Variants in FNBP1L observed in about 807,000 individuals in gnomAD.
The protein encoded by FNBP1L is formin binding protein 1 like.
In FNBP1L, 36 loss-of-function variants were observed where a neutral mutation model predicts 91.2. That is an observed-to-expected ratio of 0.39 (90% CI 0.30 to 0.52). The LOEUF (loss-of-function observed/expected upper bound fraction) is 0.52, where lower values mean the gene tolerates loss of function less well. Ranked by LOEUF, FNBP1L falls within the 20% of genes least tolerant of loss-of-function variation. The pLI is 0.66. For missense variants in FNBP1L, 571 were observed against 732.1 expected, an observed-to-expected ratio of 0.78 and a Z score of 2.54; for synonymous variants, 242 against 237.0, an observed-to-expected ratio of 1.02 and a Z score of -0.19.
At chr1:93,530,633 T>G in intron 6 of FNBP1L, 122 bp from the exon 7 acceptor site, 4 of 1,011,678 alleles carry the variant, frequency 4.0e-6, no homozygotes, top group Non-Finnish European at 5.8e-6. Flanking sequence ...TGCCACGTCA[T>G]TATTCTTTTG....
chr1:93,521,412 TG>T (rs1263083276), intron 2 of FNBP1L, among the ~76,000 whole-genome samples: 2 of 152,174 alleles, frequency 1.3e-5, no homozygotes, highest in African/African-American at 4.8e-5. Context: ...AAAAAAGCGA[TG>T]GTATTTCTTT....
intron 2 of FNBP1L, among the ~76,000 whole-genome samples, chr1:93,513,301 C>G (rs534849609): frequency 6.6e-6 from 1 of 151,422 alleles, no homozygotes; most frequent in African/African-American, 2.4e-5. Flanking sequence ...AAAAAGAGTC[C>G]AGGACCAGAT....
intron 10 of FNBP1L, among the ~76,000 whole-genome samples, chr1:93,539,834 A>G (rs928011185): frequency 6.6e-6 from 1 of 152,204 alleles, no homozygotes; most frequent in Non-Finnish European, 1.5e-5. Flanking sequence ...ACGATAATGC[A>G]TAAGCAGTGA....
At chr1:93,506,544 CAGTG>C (rs1467500929) in intron 2 of FNBP1L, among the ~76,000 whole-genome samples, 1 of 151,996 alleles carries the variant, frequency 6.6e-6, no homozygotes, top group Non-Finnish European at 1.5e-5. Flanking sequence ...GGGTACTAGT[CAGTG>C]AGTCTCAGGT....
chr1:93,538,259 A>ATTT (rs35394326), intron 10 of FNBP1L, among the ~76,000 whole-genome samples: 1 of 144,812 alleles, frequency 6.9e-6, no homozygotes. Flanking sequence ...GTGTCATCTT[A>ATTT]TTTTTTTTTT....
chr1:93,489,100 T>G (rs1344510647), intron 1 of FNBP1L, among the ~76,000 whole-genome samples: 2 of 152,212 alleles, frequency 1.3e-5, no homozygotes, highest in East Asian at 3.8e-4. Context: ...AACCTGGTTC[T>G]TTCTTTTCTT....
intron 1 of FNBP1L, among the ~76,000 whole-genome samples, chr1:93,458,983 A>G (rs912359608): frequency 3.3e-5 from 5 of 152,328 alleles, no homozygotes; most frequent in East Asian, 1.9e-4. Flanking sequence ...TTTACAGTAT[A>G]TCCTCTGTGG....
intron 1 of FNBP1L, among the ~76,000 whole-genome samples, chr1:93,466,536 C>A (rs540850524): frequency 2.6e-5 from 4 of 151,998 alleles, no homozygotes; most frequent in Non-Finnish European, 5.9e-5. Context: ...ATTTCTGAGG[C>A]CTCTGTTCTG....
chr1:93,549,221 A>G (rs1570879207), intron 14 of FNBP1L, 57 bp from the exon 15 acceptor site: 1 of 1,380,098 alleles, frequency 7.2e-7, no homozygotes, highest in Non-Finnish European at 9.9e-7. Flanking sequence ...TTTATAAATA[A>G]TATATAGAAT....
chr1:93,460,839 G>A (rs1396751864), intron 1 of FNBP1L, among the ~76,000 whole-genome samples: 2 of 152,160 alleles, frequency 1.3e-5, no homozygotes, highest in East Asian at 3.8e-4. Flanking sequence ...GGAAGAATAA[G>A]TTAAAGAGAT....
chr1:93,461,048 G>C (rs1196254797), intron 1 of FNBP1L, among the ~76,000 whole-genome samples: 1 of 152,014 alleles, frequency 6.6e-6, no homozygotes, highest in African/African-American at 2.4e-5. Context: ...TTTGGTTTCT[G>C]TCTTTCATGT....
intron 1 of FNBP1L, among the ~76,000 whole-genome samples, chr1:93,494,053 C>G (rs1034657019): frequency 2.0e-5 from 3 of 152,156 alleles, no homozygotes; most frequent in African/African-American, 7.2e-5. Context: ...TTCCATAATA[C>G]CGCCTGGACT....
chr1:93,511,036 A>G (rs1000592877), intron 2 of FNBP1L, among the ~76,000 whole-genome samples: 2 of 152,208 alleles, frequency 1.3e-5, no homozygotes, highest in African/African-American at 4.8e-5. Flanking sequence ...ACTCTGCAGG[A>G]TATTATCCAG....
chr1:93,507,635 A>G lies in FNBP1L; in HGVS notation c.140+8052A>G, dbSNP rs185859885. Among the ~76,000 whole-genome samples the G allele has an allele frequency of 1.2e-3, 185 of 152,148 alleles. 1 individual carries two copies. In the Middle Eastern group the frequency reaches 0.017, roughly 14 times the overall value. ...TCGGAAGAATAAATTCTTATTGTAT[A>G]TTTTTATTATTAGTTTTATTTATTT... On this transcript the variant is annotated intron_variant, in intron 2 of 16. Coordinates refer to ENST00000271234, the MANE Select transcript of FNBP1L (RefSeq NM_001164473.3).
intron 2 of FNBP1L, among the ~76,000 whole-genome samples, chr1:93,514,896 A>G (rs1671023325): frequency 6.6e-6 from 1 of 152,236 alleles, no homozygotes; most frequent in Admixed American, 6.5e-5. Flanking sequence ...AGCAATGGCA[A>G]CAAAAGCCAG....
chr1:93,479,745 C>T (rs1570784543), intron 1 of FNBP1L, among the ~76,000 whole-genome samples: 1 of 152,168 alleles, frequency 6.6e-6, no homozygotes, highest in Non-Finnish European at 1.5e-5. Context: ...TGCCCAACCC[C>T]GCAGGCAGTC....
chr1:93,533,429 G>T (rs1557814693), intron 8 of FNBP1L, among the ~76,000 whole-genome samples: 1 of 152,164 alleles, frequency 6.6e-6, no homozygotes, highest in African/African-American at 2.4e-5. Flanking sequence ...ACTTGAGCTG[G>T]ATCAAGAAAT....
rs1671427669 is a variant in FNBP1L, at chr1:93,524,321, A to C, written c.403A>C (p.Asn135His). The C allele has an allele frequency of 6.7e-7, 1 of 1,499,578 alleles. No homozygotes were observed. Among genetic ancestry groups the C allele is most frequent in the African/African-American group, 1.4e-5 (1 of 70,692 alleles). The allele number at this position is 1,499,578 out of a possible 1,614,324, so 92.9% of individuals were successfully genotyped here. A position where few individuals can be genotyped will look rare whatever the true frequency, so the allele number is the denominator to read the frequency against. ...TGACATGTGCTGGAAACAGATGGAT[A>C]ATGTGAGTTATGACATTTTCATGGT... Reference protein sequence around the residue: ...YLDMCWKQMDNSKKKFERECR... With the variant: ...YLDMCWKQMDHSKKKFERECR... Residue 135 changes from asparagine (N) to histidine (H), a missense_variant and splice_region_variant, in exon 5 of 17, where the codon AAT (asparagine) becomes CAT (histidine). Asn to His is a moderately conservative substitution (Grantham distance 68, BLOSUM62 1). Coordinates refer to ENST00000271234, the MANE Select transcript of FNBP1L (RefSeq NM_001164473.3).
rs138383907 is a variant in FNBP1L at position 93,498,641 on chromosome 1, G to C, written c.25-827G>C. On this transcript the variant is annotated intron_variant, in intron 1 of 16. Coordinates refer to ENST00000271234, the MANE Select transcript of FNBP1L (RefSeq NM_001164473.3). ...TCAGCATTGCAGACTTGATATAAGA[G>C]GGGGAGACAGCACCAAGTTATTAGT... Among the ~76,000 whole-genome samples, 325 of 152,270 alleles carry C rather than the reference G, an allele frequency of 2.1e-3. 2 individuals are homozygous for C. Among genetic ancestry groups the C allele is most frequent in the African/African-American group, 7.3e-3 (305 of 41,544 alleles).
Sources: gnomAD v4.1 joint callset for allele counts (sites outside exome capture counted in the v4.1 genomes callset) on GRCh38, gnomAD v4.1.1 for gene constraint, MANE v1.5 for transcripts, NCBI Gene and HGNC (gene_info 2026-07-23, HGNC 2026-07-21) for gene names.